DBNDD1: variants seen among roughly 807,000 people sequenced by gnomAD.
DBNDD1 encodes the protein dysbindin domain-containing protein 1.
DBNDD1 carries 14 observed loss-of-function variants against 17.0 expected under a neutral mutation model. That is an observed-to-expected ratio of 0.82 (90% CI 0.54 to 1.29). DBNDD1 has a LOEUF of 1.29. Among genes scored for constraint, DBNDD1 ranks in the 50% most tolerant of loss-of-function variants. The pLI, the probability that DBNDD1 is intolerant of heterozygous loss-of-function variation, is 0.00. For synonymous variants in DBNDD1, 105 were observed against 102.0 expected (o/e 1.03, Z -0.18); for missense variants, 221 against 216.2 (o/e 1.02, Z -0.14).
At position 90,009,420 on chromosome 16, in the gene DBNDD1, C is replaced by T. The variant is rs1315235309; in HGVS notation, c.42G>A (p.Lys14=). 1 of 1,611,554 alleles carries T rather than the reference C, an allele frequency of 6.2e-7. No individual in the cohort carries two copies. The highest frequency in any genetic ancestry group is 8.5e-7 in the Non-Finnish European group (1 of 1,180,004). ...GCGCAGCCTGCGGCACCTCAGCCTC[C>T]TTAACGATCTCTGCATCCAAAGACA... ...PEGAGTGEIV[K]EAEVPQAALG... Residue 14 remains lysine (K), a synonymous_variant, in exon 2 of 4, where the codon AAG becomes AAA. Coordinates refer to ENST00000002501, the MANE Select transcript of DBNDD1 (RefSeq NM_001042610.3).
At chr16:90,018,091 C>T (rs2035676240) in intron 1 of DBNDD1, among the ~76,000 whole-genome samples, 1 of 152,316 alleles carries the variant, frequency 6.6e-6, no homozygotes, top group African/African-American at 2.4e-5. Flanking sequence ...TCTCCACTGA[C>T]AGAAATGGAA....
In DBNDD1 at chr16:90,019,178, C is replaced by A. The variant is rs1025921690; in HGVS notation, c.31+133G>T. 7.7e-6 allele frequency: 3 copies of A among 390,096 alleles called. No individual in the cohort carries two copies. The highest frequency in any genetic ancestry group is 4.2e-5 in the African/African-American group (2 of 47,120). 24.2% of individuals were successfully genotyped at this position (390,096 alleles called of 1,614,324 possible). ...CGCCCGGGAGGTGCCCCTGGCCCGC[C>A]GGACGACCCCGAGCTGCCAAAGGGG... On this transcript the variant is annotated intron_variant, in intron 1 of 3. Coordinates refer to ENST00000002501, the MANE Select transcript of DBNDD1 (RefSeq NM_001042610.3). This position sits in a 1 kb window ranked among gnomAD's most constrained non-coding sequence, Gnocchi z 6.1.
In DBNDD1 at chr16:90,008,794, C is replaced by T; in HGVS notation, c.309G>A (p.Glu103=). 3 of 1,597,094 alleles carry T rather than the reference C, an allele frequency of 1.9e-6. No homozygotes were observed. The highest frequency in any genetic ancestry group is 2.2e-5 in the South Asian group (2 of 90,402). ...TGATGCCGGCCTCACCTGCTGGGGA[C>T]TCGGTGTTGAGGTTCTCGTCGTCCG... is the stretch of plus-strand genomic sequence containing the variant. ...ADSDDENLNT[E]SPAGLHPLPR... Residue 103 remains glutamate, a synonymous_variant, in exon 3 of 4, where the codon GAG becomes GAA. Coordinates refer to ENST00000002501, the MANE Select transcript of DBNDD1 (RefSeq NM_001042610.3).
intron 1 of DBNDD1, among the ~76,000 whole-genome samples, chr16:90,013,840 C>T (rs944686650): frequency 6.6e-6 from 1 of 151,936 alleles, no homozygotes; most frequent in Admixed American, 6.6e-5. Context: ...GGGCTGTGCT[C>T]CCATTTTAGG....
chr16:90,008,701 CA>C (rs2035487697), intron 3 of DBNDD1, 82 bp downstream of exon 3: 1 of 1,359,866 alleles, frequency 7.4e-7, no homozygotes. Context: ...GCCCTCAGCC[CA>C]CCACACACAC....
chr16:90,009,756 A>C, intron 1 of DBNDD1: 2 of 655,984 alleles, frequency 3.0e-6, no homozygotes, highest in Non-Finnish European at 5.2e-6. Flanking sequence ...GCGTGGCTGC[A>C]TTCCAGTGCC....
chr16:90,016,316 C>T (rs981946744), intron 1 of DBNDD1, among the ~76,000 whole-genome samples: 1 of 152,216 alleles, frequency 6.6e-6, no homozygotes, highest in African/African-American at 2.4e-5. Context: ...GCCTGTCTGA[C>T]ACCCTCTCAA....
At chr16:90,007,267 G>A (rs1332966489) in intron 3 of DBNDD1, 1 of 152,470 alleles carries the variant, frequency 6.6e-6, no homozygotes, top group Non-Finnish European at 1.5e-5. Flanking sequence ...CAGGAACCAT[G>A]GGAGCAGCTG....
rs1257716043 is a variant in DBNDD1 at position 90,019,363 on chromosome 16, G to A, written c.-22C>T. 1.6e-6 allele frequency: 2 copies of A among 1,213,686 alleles called. No homozygotes were observed. The highest frequency in any genetic ancestry group is 4.3e-5 in the Admixed American group (1 of 23,018). The allele number at this position is 1,213,686 out of a possible 1,614,324, so 75.2% of individuals were successfully genotyped here. Reference sequence around the variant, plus strand: ...CCATGCGGCCGGTGCGGTCTGGGAGGGGCACGGGCGACGGCGGCGTCGCCT... The same window carrying A: ...CCATGCGGCCGGTGCGGTCTGGGAGAGGCACGGGCGACGGCGGCGTCGCCT... On this transcript the variant is annotated 5_prime_UTR_variant, in exon 1 of 4. Transcript: ENST00000002501. This position sits in a 1 kb window ranked among gnomAD's most constrained non-coding sequence, Gnocchi z 6.1.
intron 2 of DBNDD1, 100 bp downstream of exon 2, chr16:90,009,184 C>T (rs1444982728): frequency 2.0e-6 from 3 of 1,528,422 alleles, no homozygotes; most frequent in African/African-American, 2.8e-5. Flanking sequence ...ACCTAGACCC[C>T]CCAGGGAGTG....
At chr16:90,009,103 C>T (rs1288820130) in intron 2 of DBNDD1, 179 bp from the exon 3 acceptor site, 1 of 1,213,062 alleles carries the variant, frequency 8.2e-7, no homozygotes, top group East Asian at 2.6e-5. Context: ...GACTAGAAGG[C>T]TTTCACTTGA....
At chr16:90,012,115 G>C (rs890124953) in intron 1 of DBNDD1, among the ~76,000 whole-genome samples, 1 of 152,258 alleles carries the variant, frequency 6.6e-6, no homozygotes, top group Non-Finnish European at 1.5e-5. Context: ...TCGAGTCTCA[G>C]GAGGGTGCTG....
intron 3 of DBNDD1, among the ~76,000 whole-genome samples, chr16:90,008,438 T>C (rs12448532): frequency 0.55 from 704 of 1,280 alleles, 268 homozygotes; most frequent in Admixed American, 0.68. Context: ...CCTCCCAGGA[T>C]GTCCCAAGGG....
chr16:90,013,968 T>C (rs1054583324), intron 1 of DBNDD1, among the ~76,000 whole-genome samples: 2 of 151,366 alleles, frequency 1.3e-5, no homozygotes, highest in African/African-American at 2.4e-5. Flanking sequence ...CAGAGTGCAT[T>C]TGAGGACAGC....
At chr16:90,013,853 G>C (rs2035595302) in intron 1 of DBNDD1, among the ~76,000 whole-genome samples, 1 of 148,568 alleles carries the variant, frequency 6.7e-6, no homozygotes, top group Non-Finnish European at 1.5e-5. Flanking sequence ...ATTTTAGGGG[G>C]CATCTGGGGA....
chr16:90,004,928 C>T lies in DBNDD1; in HGVS notation c.*1407G>A, dbSNP rs1191206490. On this transcript the variant is annotated 3_prime_UTR_variant, in exon 4 of 4. Transcript: ENST00000002501. ...TTTGCAAACGAGCTCTGTGGAAGCT[C>T]AGCAGGAAGGATGGAAAGATGGGGA... The T allele has an allele frequency of 6.5e-6, 1 of 152,794 alleles. No homozygotes were observed. The highest frequency in any genetic ancestry group is 1.5e-5 in the Non-Finnish European group (1 of 68,162). The allele number at this position is 152,794 out of a possible 1,614,324, so 9.5% of individuals were successfully genotyped here. A position where few individuals can be genotyped will look rare whatever the true frequency, so the allele number is the denominator to read the frequency against.
intron 1 of DBNDD1, chr16:90,010,060 T>A (rs755963288): frequency 3.7e-6 from 6 of 1,613,758 alleles, no homozygotes; most frequent in Middle Eastern, 1.6e-4. Flanking sequence ...TTATTTATTT[T>A]TTTTAGATGG....
intron 1 of DBNDD1, among the ~76,000 whole-genome samples, chr16:90,015,869 C>T (rs925213014): frequency 4.0e-5 from 6 of 150,712 alleles, no homozygotes; most frequent in South Asian, 2.1e-4. Context: ...AAGGGGAGAA[C>T]GGGTATGGGT....
chr16:90,006,824 A>G (rs2035437018), intron 3 of DBNDD1: 1 of 256,814 alleles, frequency 3.9e-6, no homozygotes. Context: ...CAGGTGTCCC[A>G]CCTCAGCCAA....
Sources: allele counts gnomAD v4.1 joint callset (sites outside exome capture counted in the v4.1 genomes callset), GRCh38; gene constraint gnomAD v4.1.1; non-coding constraint Gnocchi (gnomAD v3.1); transcripts MANE v1.5; gene names NCBI Gene and HGNC (gene_info 2026-07-23, HGNC 2026-07-21).